Variants in TMCO4 observed in about 807,000 individuals in gnomAD.
TMCO4 encodes transmembrane and coiled-coil domain-containing protein 4.
In TMCO4, 58 loss-of-function variants were observed where a neutral mutation model predicts 64.7. That is an observed-to-expected ratio of 0.90 (90% CI 0.73 to 1.12). The LOEUF is 1.12. Ranked by LOEUF, TMCO4 falls within the 50% of genes most tolerant of loss-of-function variation. The pLI is 0.00. For synonymous variants in TMCO4, 325 were observed against 346.1 expected (o/e 0.94, Z 0.68); for missense variants, 780 against 825.9 (o/e 0.94, Z 0.68).
rs1295541958 is a variant in TMCO4, at chr1:19,734,463, G to T, written c.1264+2909C>A. Among the ~76,000 whole-genome samples, 2 of 152,088 alleles carry T rather than the reference G, an allele frequency of 1.3e-5. No individual in the cohort carries two copies. The highest frequency in any genetic ancestry group is 2.9e-5 in the Non-Finnish European group (2 of 68,008). ...AGTGCCCCCGGGTCCTCCTTGGCAG[G>T]ATCCACTCAGTTACTCATTCACTCC... On this transcript the variant is annotated intron_variant, in intron 13 of 15. Transcript: ENST00000294543. This position sits in a 1 kb window ranked among gnomAD's most constrained non-coding sequence, Gnocchi z 4.4.
In TMCO4 at chr1:19,763,385, T is replaced by C. The variant is rs557253012; in HGVS notation, c.382+7157A>G. Among the ~76,000 whole-genome samples the C allele has an allele frequency of 6.6e-5, 10 of 152,334 alleles. No homozygotes were observed. In the East Asian group the frequency reaches 1.9e-3, roughly 29 times the overall value. On this transcript the variant is annotated intron_variant, in intron 6 of 15. Coordinates refer to ENST00000294543, the MANE Select transcript of TMCO4 (RefSeq NM_181719.7). Reference sequence around the variant, plus strand: ...GAGCCACCACGCCGGGCCAAGAATATCTTTTTGATCTGGCTTTTGTTGAGG... The same window carrying C: ...GAGCCACCACGCCGGGCCAAGAATACCTTTTTGATCTGGCTTTTGTTGAGG...
chr1:19,729,294 C>T (rs577568656), intron 13 of TMCO4, among the ~76,000 whole-genome samples: 5 of 151,792 alleles, frequency 3.3e-5, no homozygotes, highest in African/African-American at 4.8e-5. Flanking sequence ...GGAATACAGG[C>T]GTGCCACCAC....
intron 6 of TMCO4, among the ~76,000 whole-genome samples, chr1:19,764,476 C>A (rs1037688617): frequency 1.3e-5 from 2 of 152,214 alleles, no homozygotes; most frequent in African/African-American, 4.8e-5. Context: ...GTGCCTCACA[C>A]GGGGCCGGGC....
At chr1:19,791,408 A>G (rs1490195776) in intron 2 of TMCO4, among the ~76,000 whole-genome samples, 3 of 152,276 alleles carry the variant, frequency 2.0e-5, no homozygotes, top group Admixed American at 2.0e-4. Flanking sequence ...TCAGCTCTCC[A>G]TGATGCTGGA....
chr1:19,763,721 C>T (rs958430880), intron 6 of TMCO4, among the ~76,000 whole-genome samples: 1 of 152,200 alleles, frequency 6.6e-6, no homozygotes, highest in South Asian at 2.1e-4. Flanking sequence ...TAATTACATA[C>T]TTTTTCTAGA....
chr1:19,770,725 G>C (rs925530656), intron 5 of TMCO4, among the ~76,000 whole-genome samples, 156 bp from the exon 6 acceptor site: 4 of 152,196 alleles, frequency 2.6e-5, no homozygotes, highest in African/African-American at 9.7e-5. Context: ...ACAGGCAAGC[G>C]AAGAAAGAAA....
rs140642900 is a variant in TMCO4 at position 19,701,752 on chromosome 1, C to T, written c.1265-867G>A. On this transcript the variant is annotated intron_variant, in intron 13 of 15. Transcript: ENST00000294543. ...AGTGGGGGGTGAAGAGGAGAGGGGG[C>T]GAGTAGGTCCTGGGGTCAGGGAGTG... Among the ~76,000 whole-genome samples the T allele has an allele frequency of 8.0e-3, 1,213 of 151,920 alleles. 8 individuals carry two copies. The highest frequency in any genetic ancestry group is 0.012 in the Non-Finnish European group (815 of 67,962).
At chr1:19,785,249 C>T (rs1357988937) in intron 3 of TMCO4, among the ~76,000 whole-genome samples, 1 of 152,198 alleles carries the variant, frequency 6.6e-6, no homozygotes, top group Non-Finnish European at 1.5e-5. Context: ...GTGGTTTTTG[C>T]AATTTAATAG....
chr1:19,693,594 C>A (rs2095214768), intron 15 of TMCO4, among the ~76,000 whole-genome samples: 1 of 152,224 alleles, frequency 6.6e-6, no homozygotes, highest in Non-Finnish European at 1.5e-5. Context: ...GCCCCTGCAC[C>A]CCAGCCTAGT....
Position 19,771,292 on chromosome 1 carries a change from C to A in TMCO4, c.354+16G>T. On this transcript the variant is annotated intron_variant, in intron 5 of 15. Coordinates refer to ENST00000294543, the MANE Select transcript of TMCO4 (RefSeq NM_181719.7). ...TTCTACTGTCCCCAGCAGCCACCAC[C>A]AGGTGTTGGGTGTACCTGAGTGATC... The A allele has an allele frequency of 6.2e-7, 1 of 1,608,550 alleles. No individual in the cohort carries two copies. The highest frequency in any genetic ancestry group is 8.5e-7 in the Non-Finnish European group (1 of 1,175,988).
At chr1:19,702,739 G>C (rs1031901891) in intron 13 of TMCO4, among the ~76,000 whole-genome samples, 1 of 152,212 alleles carries the variant, frequency 6.6e-6, no homozygotes, top group Admixed American at 6.5e-5. Flanking sequence ...ACACCAGCCT[G>C]GGTGACAGAG....
intron 2 of TMCO4, among the ~76,000 whole-genome samples, chr1:19,790,569 A>G (rs964962369): frequency 3.3e-5 from 5 of 152,176 alleles, no homozygotes; most frequent in Admixed American, 3.3e-4. Flanking sequence ...GCTCAACATC[A>G]CTGATCATTA....
Position 19,771,472 on chromosome 1 carries a change from T to G in TMCO4, c.190A>C (p.Thr64Pro). 1 of 1,613,950 alleles carries G rather than the reference T, an allele frequency of 6.2e-7. No homozygotes were observed. The highest frequency in any genetic ancestry group is 1.1e-5 in the South Asian group (1 of 91,068). The change falls in exon 5 of 16, where the codon ACA becomes CCA. Residue 64 changes from threonine (T) to proline (P), a missense_variant. Transcript: ENST00000294543. ...FPEPEHSSFC[T>P]EFMAGLVQWL... ...TGCACCAGGCCTGCCATGAACTCTG[T>G]GCAGAAGGAGCTGAAAGGCAGACAT...
rs973237388 is a variant in TMCO4, at chr1:19,734,168, A to G, written c.1264+3204T>C. Among the ~76,000 whole-genome samples the G allele has an allele frequency of 6.6e-5, 10 of 152,170 alleles. No homozygotes were observed. The highest frequency in any genetic ancestry group is 1.3e-4 in the Non-Finnish European group (9 of 68,024). On this transcript the variant is annotated intron_variant, in intron 13 of 15. Coordinates refer to ENST00000294543, the MANE Select transcript of TMCO4 (RefSeq NM_181719.7). The surrounding 1 kb of genome is among the most constrained non-coding windows in gnomAD (Gnocchi z 4.4). ...GACAGAGAGGACGGACCAAGAGGGA[A>G]CAATGGAAATAGAGCTTGGTCTGCT...
At chr1:19,772,592 T>C (rs374321531) in intron 4 of TMCO4, among the ~76,000 whole-genome samples, 1 of 151,940 alleles carries the variant, frequency 6.6e-6, no homozygotes, top group Non-Finnish European at 1.5e-5. Context: ...GGGTGGCAGG[T>C]GGGCCAGGAG....
At chr1:19,789,341 G>A (rs1355463965) in intron 2 of TMCO4, among the ~76,000 whole-genome samples, 8 of 152,066 alleles carry the variant, frequency 5.3e-5, no homozygotes, top group Non-Finnish European at 7.4e-5. Flanking sequence ...GGCAGAGAAT[G>A]CAGTGAGCCA....
At position 19,768,891 on chromosome 1, in the gene TMCO4, C is replaced by T. The variant is rs140122002; in HGVS notation, c.382+1651G>A. The stretch of plus-strand genomic sequence containing the variant: ...GATGCTGCTGGGTCCACATACCACA[C>T]TGAGAGTAGCAAGGGCTTAGAGGCC... On this transcript the variant is annotated intron_variant, in intron 6 of 15. Coordinates refer to ENST00000294543, the MANE Select transcript of TMCO4 (RefSeq NM_181719.7). Among the ~76,000 whole-genome samples the T allele has an allele frequency of 2.9e-3, 444 of 152,268 alleles. 1 individual carries two copies. Among genetic ancestry groups the T allele is most frequent in the African/African-American group, 9.4e-3 (391 of 41,556 alleles).
At chr1:19,688,606 A>G in intron 15 of TMCO4, among the ~76,000 whole-genome samples, 1 of 152,194 alleles carries the variant, frequency 6.6e-6, no homozygotes, top group Non-Finnish European at 1.5e-5. Flanking sequence ...CCACTACCAG[A>G]AGCTACAGAG....
At position 19,771,489 on chromosome 1, in the gene TMCO4, G is replaced by A. The variant is rs949693070; in HGVS notation, c.180-7C>T. 1 of 1,612,934 alleles carries A rather than the reference G, an allele frequency of 6.2e-7. No homozygotes were observed. On this transcript the variant is annotated splice_polypyrimidine_tract_variant and splice_region_variant and intron_variant, in intron 4 of 15. Coordinates refer to ENST00000294543, the MANE Select transcript of TMCO4 (RefSeq NM_181719.7). ...GAACTCTGTGCAGAAGGAGCTGAAAGGCAGACATGGCTTAGTTCTCCAGGA... is the reference window on the plus strand; with the variant it reads ...GAACTCTGTGCAGAAGGAGCTGAAAAGCAGACATGGCTTAGTTCTCCAGGA...
Sources: gnomAD v4.1 joint callset for allele counts (sites outside exome capture counted in the v4.1 genomes callset) on GRCh38, gnomAD v4.1.1 for gene constraint, Gnocchi (gnomAD v3.1) non-coding constraint, MANE v1.5 for transcripts, NCBI Gene and HGNC (gene_info 2026-07-23, HGNC 2026-07-21) for gene names.